Variants in TOP3A observed in about 807,000 individuals in gnomAD.
TOP3A encodes DNA topoisomerase 3-alpha.
A neutral mutation model predicts 111.3 loss-of-function variants in TOP3A; 64 were observed. The ratio of observed to expected loss-of-function variants is 0.57; its 90% CI spans 0.47 to 0.71. TOP3A has a LOEUF of 0.71. TOP3A is among the 30% of genes least tolerant of loss of function. The pLI is 0.00. For missense variants in TOP3A, 1,104 were observed against 1,285.0 expected (o/e 0.86, Z 2.15); for synonymous variants, 484 against 485.1 (o/e 1.00, Z 0.03).
chr17:18,282,908 T>C, intron 15 of TOP3A, 67 bp from the exon 16 acceptor site: 2 of 1,593,154 alleles, frequency 1.3e-6, no homozygotes, highest in Non-Finnish European at 1.7e-6. Flanking sequence ...ACAACACTCT[T>C]ACATGCACAC....
At position 18,280,670 on chromosome 17, in the gene TOP3A, G is replaced by A. The variant is rs1979703774; in HGVS notation, c.2022-12C>T. ...AGCTGAGGTAGAACCTGGGGACAAA[G>A]TGCCATGTCAGATGATAGGAGTGCA... On this transcript the variant is annotated splice_polypyrimidine_tract_variant and intron_variant, in intron 16 of 18. Coordinates refer to ENST00000321105, the MANE Select transcript of TOP3A (RefSeq NM_004618.5). The A allele has an allele frequency of 6.2e-7, 1 of 1,613,714 alleles. No individual in the cohort carries two copies. The highest frequency in any genetic ancestry group is 1.7e-5 in the Admixed American group (1 of 59,994).
intron 13 of TOP3A, among the ~76,000 whole-genome samples, chr17:18,285,993 A>G (rs916254752): frequency 1.3e-5 from 2 of 152,156 alleles, no homozygotes; most frequent in South Asian, 2.1e-4. Flanking sequence ...TGAGGTCAGG[A>G]GTTCGAGACC....
At chr17:18,307,172 AGCCCTT>A in intron 3 of TOP3A, 1 of 445,228 alleles carries the variant, frequency 2.2e-6, no homozygotes, top group Non-Finnish European at 4.0e-6. Flanking sequence ...GGCATTCTGG[AGCCCTT>A]TCACAGGTAA....
At chr17:18,277,485 T>A (rs1370462420) in intron 18 of TOP3A, among the ~76,000 whole-genome samples, 190 bp downstream of exon 18, 1 of 152,204 alleles carries the variant, frequency 6.6e-6, no homozygotes, top group African/African-American at 2.4e-5. Context: ...CCCTTTAATT[T>A]GGAATGAGGA....
At chr17:18,298,916 C>T (rs1260900477) in intron 9 of TOP3A, among the ~76,000 whole-genome samples, 1 of 151,608 alleles carries the variant, frequency 6.6e-6, no homozygotes, top group East Asian at 1.9e-4. Flanking sequence ...ACAAACACTG[C>T]GGAAGGCCGC....
chr17:18,314,500 G>C (rs1597994776), intron 1 of TOP3A, 99 bp downstream of exon 1: 9 of 1,359,734 alleles, frequency 6.6e-6, no homozygotes, highest in Non-Finnish European at 9.0e-6. Flanking sequence ...TGAGAAATGG[G>C]AGATAATCGC....
At position 18,272,215 on chromosome 17, in the gene TOP3A, C is replaced by T. The variant is rs1346661806; in HGVS notation, c.*2587G>A. On this transcript the variant is annotated 3_prime_UTR_variant, in exon 19 of 19. Transcript: ENST00000321105. ...AATGCAAAACAAAACCACAATGACA[C>T]GCCACTTCATACCCACTAGGATGAC... is the stretch of plus-strand genomic sequence containing the variant. 6.6e-5 allele frequency among the ~76,000 whole-genome samples: 10 copies of T among 152,152 alleles called. No homozygotes were observed. The highest frequency in any genetic ancestry group is 1.2e-4 in the Non-Finnish European group (8 of 68,036).
At chr17:18,314,454 G>T in intron 1 of TOP3A, 145 bp downstream of exon 1, 1 of 813,664 alleles carries the variant, frequency 1.2e-6, no homozygotes. Flanking sequence ...CAGACAGGAG[G>T]CCACTGCAAT....
In TOP3A at chr17:18,284,409, C is replaced by T. The variant is rs115576919; in HGVS notation, c.1877+733G>A. ...TCAACCTCCAGCCCCTCTGCTCTTC[C>T]TGAGGTAGGGGTGGGACTCAAAGTC... On this transcript the variant is annotated intron_variant, in intron 15 of 18. Transcript: ENST00000321105. Among the ~76,000 whole-genome samples, 790 of 152,234 alleles carry T rather than the reference C, an allele frequency of 5.2e-3. 5 individuals carry two copies. The highest frequency in any genetic ancestry group is 0.017 in the Middle Eastern group (5 of 294).
chr17:18,284,039 G>A (rs1393601739), intron 15 of TOP3A, among the ~76,000 whole-genome samples: 1 of 152,142 alleles, frequency 6.6e-6, no homozygotes, highest in Non-Finnish European at 1.5e-5. Context: ...TCACTCTGTT[G>A]CCCAAGCTGG....
intron 18 of TOP3A, among the ~76,000 whole-genome samples, chr17:18,277,185 C>CAAAA (rs34363304): frequency 6.5e-4 from 63 of 96,418 alleles, no homozygotes; most frequent in South Asian, 3.0e-3. Flanking sequence ...ACTCAGTCTC[C>CAAAA]AAAAAAAAAA....
chr17:18,278,953 G>C (rs1216256738), intron 17 of TOP3A, among the ~76,000 whole-genome samples: 1 of 152,226 alleles, frequency 6.6e-6, no homozygotes, highest in Non-Finnish European at 1.5e-5. Context: ...ACTCCAGCCT[G>C]GTGACAGAGC....
At chr17:18,314,299 A>G (rs894729005) in intron 1 of TOP3A, among the ~76,000 whole-genome samples, 2 of 152,240 alleles carry the variant, frequency 1.3e-5, no homozygotes, top group African/African-American at 4.8e-5. Flanking sequence ...AGCCTCACAC[A>G]AGACCCGAAG....
chr17:18,275,577 T>A (rs1281318569), intron 18 of TOP3A, among the ~76,000 whole-genome samples: 1 of 151,790 alleles, frequency 6.6e-6, no homozygotes, highest in Admixed American at 6.6e-5. Flanking sequence ...TTAGCCAGGA[T>A]GGTCTCGATC....
chr17:18,301,799 G>C, intron 8 of TOP3A, 86 bp downstream of exon 8: 1 of 1,147,334 alleles, frequency 8.7e-7, no homozygotes, highest in Non-Finnish European at 1.3e-6. Context: ...AAGTCCAATG[G>C]GAGAATGAGA....
intron 1 of TOP3A, chr17:18,313,016 A>C (rs1268161996): frequency 6.6e-6 from 1 of 152,532 alleles, no homozygotes; most frequent in East Asian, 1.9e-4. Flanking sequence ...AGGCTGAGGC[A>C]GGAGAATCGC....
At chr17:18,302,025 A>G (rs1193826030) in intron 7 of TOP3A, 40 bp from the exon 8 acceptor site, 1 of 1,575,628 alleles carries the variant, frequency 6.3e-7, no homozygotes, top group Admixed American at 1.7e-5. Flanking sequence ...TGTGTCTCAG[A>G]GACATGTCAT....
intron 5 of TOP3A, 45 bp downstream of exon 5, chr17:18,305,067 T>A: frequency 6.7e-7 from 1 of 1,497,152 alleles, no homozygotes. Context: ...ACTCTATTTA[T>A]GGAGTTCCAA....
In TOP3A at chr17:18,282,951, T is replaced by C. The variant is rs575270717; in HGVS notation, c.1878-110A>G. ...GTGACCTTGAGAACCAGCTGGTCAG[T>C]GAGCCGCAGGCCTCCTGCAGAGAAC... On this transcript the variant is annotated intron_variant, in intron 15 of 18. Transcript: ENST00000321105. 15 of 1,414,282 alleles carry C rather than the reference T, an allele frequency of 1.1e-5. No homozygotes were observed. The African/African-American group carries it at 1.4e-4, about 13-fold the overall frequency. 87.6% of individuals were successfully genotyped at this position (1,414,282 alleles called of 1,614,324 possible). A position where few individuals can be genotyped will look rare whatever the true frequency, so the allele number is the denominator to read the frequency against.
Sources: allele counts gnomAD v4.1 joint callset (sites outside exome capture counted in the v4.1 genomes callset), GRCh38; gene constraint gnomAD v4.1.1; transcripts MANE v1.5; gene names NCBI Gene and HGNC (gene_info 2026-07-23, HGNC 2026-07-21).